Variants in SLC7A8 observed in about 807,000 individuals in gnomAD.
The protein encoded by SLC7A8 is large neutral amino acids transporter small subunit 2.
SLC7A8 carries 30 observed loss-of-function variants against 51.2 expected under a neutral mutation model. That is an observed-to-expected ratio of 0.59 (90% CI 0.44 to 0.80). SLC7A8 has a LOEUF of 0.80. Among genes scored for constraint, SLC7A8 ranks in the 30% least tolerant of loss-of-function variants. The pLI, the probability that SLC7A8 is intolerant of heterozygous loss-of-function variation, is 0.00. For missense variants in SLC7A8, 612 were observed against 674.4 expected, an observed-to-expected ratio of 0.91 and a Z score of 1.03; for synonymous variants, 257 against 275.8, an observed-to-expected ratio of 0.93 and a Z score of 0.67.
At chr14:23,156,091 C>T (rs559248236) in intron 3 of SLC7A8, among the ~76,000 whole-genome samples, 3 of 152,090 alleles carry the variant, frequency 2.0e-5, no homozygotes, top group South Asian at 2.1e-4. Flanking sequence ...CTCTGCCTCC[C>T]GGGTTCAAGC....
intron 1 of SLC7A8, among the ~76,000 whole-genome samples, chr14:23,173,973 A>G (rs2140339674): frequency 6.6e-6 from 1 of 152,324 alleles, no homozygotes; most frequent in East Asian, 1.9e-4. Flanking sequence ...AGAAACTTCC[A>G]TTGCACAGCT....
intron 7 of SLC7A8, among the ~76,000 whole-genome samples, chr14:23,133,165 C>T (rs1435086429): frequency 2.6e-5 from 4 of 152,102 alleles, no homozygotes; most frequent in South Asian, 2.1e-4. Context: ...TGTCTGGGCA[C>T]GGTGGGTAAC....
chr14:23,182,786 G>A lies in SLC7A8; in HGVS notation c.129C>T (p.Val43=). The change falls in exon 1 of 11, where the codon GTC becomes GTT. Residue 43 remains valine, a synonymous_variant. Transcript: ENST00000316902. Reference sequence around the variant, plus strand: ...CACCTACGATGATACCACAGGCACTGACCAATCCGATCTCTTTCTTCAGGG... The same window carrying A: ...CACCTACGATGATACCACAGGCACTAACCAATCCGATCTCTTTCTTCAGGG... ...GVALKKEIGL[V]SACGIIVGNI... 1 of 1,605,054 alleles carries A rather than the reference G, an allele frequency of 6.2e-7. No individual in the cohort carries two copies. The highest frequency in any genetic ancestry group is 8.5e-7 in the Non-Finnish European group (1 of 1,176,452).
At chr14:23,182,738 G>A (rs202143434) in intron 1 of SLC7A8, 26 bp downstream of exon 1, 2 of 1,525,964 alleles carry the variant, frequency 1.3e-6, no homozygotes, top group Non-Finnish European at 1.8e-6. Flanking sequence ...GGAGAGGAGG[G>A]GTCCGCGGGA....
In SLC7A8 at chr14:23,137,947, A is replaced by C; in HGVS notation, c.990T>G (p.Val330=). The part of the protein sequence containing the change: ...ISVALSTFGG[V]NGSLFTSSRL... ...GAGAGGAGGTGAAGAGAGACCCATT[A>C]ACTCCTCCAAATGTGGACAGGGCAA... is the stretch of plus-strand genomic sequence containing the variant. Residue 330 remains valine, a synonymous_variant, in exon 7 of 11, where the codon GTT becomes GTG. Coordinates refer to ENST00000316902, the MANE Select transcript of SLC7A8 (RefSeq NM_012244.4). 6.2e-7 allele frequency: 1 copy of C among 1,613,958 alleles called. No individual in the cohort carries two copies. The highest frequency in any genetic ancestry group is 1.1e-5 in the South Asian group (1 of 91,060).
At chr14:23,144,324 T>C (rs1418196341) in intron 3 of SLC7A8, among the ~76,000 whole-genome samples, 1 of 150,332 alleles carries the variant, frequency 6.7e-6, no homozygotes, top group East Asian at 2.0e-4. Flanking sequence ...GCATTTGGTA[T>C]TGTCAGTTTA....
intron 1 of SLC7A8, among the ~76,000 whole-genome samples, chr14:23,182,425 C>T (rs1159571948): frequency 6.6e-6 from 1 of 152,138 alleles, no homozygotes; most frequent in Non-Finnish European, 1.5e-5. Flanking sequence ...TCCCTCAGTC[C>T]CTCCTTAAAC....
Position 23,166,345 on chromosome 14 carries a change from C to T in SLC7A8, c.347G>A (p.Gly116Glu). The change falls in exon 2 of 11, where the codon GGA (glycine) becomes GAA (glutamate). Residue 116 changes from glycine (G) to glutamate (E), a missense_variant. Transcript: ENST00000316902. ...CCACAGATCCTCTTACCCAGCCAGT[C>T]CTCCGAAGATGTCCTTGACATAGGA... ...DYSYVKDIFG[G>E]LAGFLRLWIA... is the part of the protein sequence containing the mutation. The T allele has an allele frequency of 1.9e-6, 3 of 1,613,624 alleles. No homozygotes were observed. Among genetic ancestry groups the T allele is most frequent in the Admixed American group, 1.7e-5 (1 of 60,024 alleles).
intron 3 of SLC7A8, among the ~76,000 whole-genome samples, chr14:23,150,503 A>C (rs2048837064): frequency 6.6e-6 from 1 of 152,212 alleles, no homozygotes; most frequent in Non-Finnish European, 1.5e-5. Context: ...TGAGGAACTC[A>C]GCGGCCATGG....
chr14:23,132,670 T>G (rs2048648563), intron 7 of SLC7A8, among the ~76,000 whole-genome samples: 1 of 151,338 alleles, frequency 6.6e-6, no homozygotes, highest in Non-Finnish European at 1.5e-5. Context: ...AGTTTCACTC[T>G]TGTTGCCCAG....
rs533842327 is a variant in SLC7A8 at position 23,166,369 on chromosome 14, G to A, written c.323C>T (p.Ser108Phe). Residue 108 changes from serine to phenylalanine, a missense_variant, in exon 2 of 11, where the codon TCC becomes TTC. Coordinates refer to ENST00000316902, the MANE Select transcript of SLC7A8 (RefSeq NM_012244.4). ...TCCTCCGAAGATGTCCTTGACATAG[G>A]AGTAGTCACCTCCAGATTTGGGGAT... The part of the protein sequence containing the change: ...VTIPKSGGDY[S>F]YVKDIFGGLA... 2 of 1,614,030 alleles carry A rather than the reference G, an allele frequency of 1.2e-6. No individual in the cohort carries two copies. The highest frequency in any genetic ancestry group is 1.7e-5 in the Admixed American group (1 of 60,018).
Position 23,171,993 on chromosome 14 carries a change from C to CTTAGAGCTGGAGGAGA in SLC7A8, c.152-5469_152-5454dup, listed in dbSNP as rs2048977425. Among the ~76,000 whole-genome samples the CTTAGAGCTGGAGGAGA allele has an allele frequency of 2.0e-5, 3 of 152,316 alleles. 1 individual carries two copies. The South Asian group carries it at 6.2e-4, about 32-fold the overall frequency. ...TTGAAAGCATGAAAAGGGCACTAGA[C>CTTAGAGCTGGAGGAGA]TTAGAGCTGGAGGAGAAACTTTGTC... On this transcript the variant is annotated intron_variant, in intron 1 of 10. Transcript: ENST00000316902.
At position 23,137,922 on chromosome 14, in the gene SLC7A8, G is replaced by C; in HGVS notation, c.1015C>G (p.Arg339Gly). The C allele has an allele frequency of 6.2e-7, 1 of 1,613,668 alleles. No homozygotes were observed. Among genetic ancestry groups the C allele is most frequent in the Non-Finnish European group, 8.5e-7 (1 of 1,179,948 alleles). The change falls in exon 7 of 11, where the codon CGG becomes GGG. Residue 339 changes from arginine to glycine, a missense_variant and splice_region_variant. Arg to Gly is a moderately radical substitution (Grantham distance 125). Coordinates refer to ENST00000316902, the MANE Select transcript of SLC7A8 (RefSeq NM_012244.4). The stretch of plus-strand genomic sequence containing the variant: ...GGGAAGGGCCCAGGCAGCACTCACC[G>C]AGAGGAGGTGAAGAGAGACCCATTA... ...GVNGSLFTSS[R>G]LFFAGAREGH...
At chr14:23,155,798 C>T (rs2048888290) in intron 3 of SLC7A8, among the ~76,000 whole-genome samples, 1 of 151,802 alleles carries the variant, frequency 6.6e-6, no homozygotes, top group South Asian at 2.1e-4. Context: ...GACCCTCCAT[C>T]ATATTTCAGT....
intron 1 of SLC7A8, among the ~76,000 whole-genome samples, chr14:23,169,314 C>T (rs1185210702): frequency 6.6e-6 from 1 of 152,136 alleles, no homozygotes; most frequent in South Asian, 2.1e-4. Context: ...GCTGTGAGTG[C>T]ACCACTGCAC....
chr14:23,156,062 G>A (rs1349684595), intron 3 of SLC7A8, among the ~76,000 whole-genome samples: 1 of 150,992 alleles, frequency 6.6e-6, no homozygotes, highest in Non-Finnish European at 1.5e-5. Flanking sequence ...GCAATGGCAC[G>A]ATCTCGGCTC....
chr14:23,183,090 A>T lies in SLC7A8; in HGVS notation c.-176T>A, dbSNP rs1877257923. On this transcript the variant is annotated 5_prime_UTR_variant, in exon 1 of 11. An upstream start codon of the reference 5' UTR is lost. Coordinates refer to ENST00000316902, the MANE Select transcript of SLC7A8 (RefSeq NM_012244.4). ...AACACGAAAAATATTCCTACTCCGC[A>T]TTCACACTTTCTGGTCACTCGCGTT... is the stretch of plus-strand genomic sequence containing the variant. The T allele has an allele frequency of 5.6e-6, 2 of 358,090 alleles. No homozygotes were observed. The highest frequency in any genetic ancestry group is 8.1e-5 in the South Asian group (2 of 24,558). The allele number at this position is 358,090 out of a possible 1,614,324, so 22.2% of individuals were successfully genotyped here.
intron 1 of SLC7A8, among the ~76,000 whole-genome samples, chr14:23,170,569 C>T (rs2048970685): frequency 6.6e-6 from 1 of 152,164 alleles, no homozygotes; most frequent in Non-Finnish European, 1.5e-5. Context: ...AGCGATTCTC[C>T]TGCCTCACCC....
intron 1 of SLC7A8, among the ~76,000 whole-genome samples, chr14:23,181,687 G>A (rs1877190836): frequency 1.3e-5 from 2 of 152,220 alleles, no homozygotes; most frequent in Admixed American, 6.5e-5. Flanking sequence ...TCTCATAAAG[G>A]AACTCTGGAG....
Sources: gnomAD v4.1 joint callset for allele counts (sites outside exome capture counted in the v4.1 genomes callset) on GRCh38, gnomAD v4.1.1 for gene constraint, MANE v1.5 for transcripts, NCBI Gene and HGNC (gene_info 2026-07-23, HGNC 2026-07-21) for gene names.